Variants in ABI1 observed in about 807,000 individuals in gnomAD.
The protein encoded by ABI1 is abl interactor 1.
In ABI1, 14 loss-of-function variants were observed where a neutral mutation model predicts 54.6. That is an observed-to-expected ratio of 0.26 (90% CI 0.17 to 0.40). The LOEUF is 0.40. Among genes scored for constraint, ABI1 ranks in the 10% least tolerant of loss-of-function variants. The pLI is 1.00. For synonymous variants in ABI1, 194 were observed against 209.3 expected (o/e 0.93, Z 0.63); for missense variants, 443 against 598.3 (o/e 0.74, Z 2.71).
At chr10:26,803,895 G>A (rs114462000) in intron 2 of ABI1, among the ~76,000 whole-genome samples, 3,096 of 151,544 alleles carry the variant, frequency 0.02, 76 homozygotes, top group African/African-American at 0.065. Context: ...AGAAAGAATA[G>A]CCATTAAATA....
At chr10:26,823,408 A>AT (rs1200073706) in intron 1 of ABI1, 103 bp from the exon 2 acceptor site, 1 of 974,132 alleles carries the variant, frequency 1.0e-6, no homozygotes, top group Non-Finnish European at 1.4e-6. Flanking sequence ...GAGAAATTCA[A>AT]TAAAAAAAAA....
chr10:26,791,198 C>T (rs1297900467), intron 2 of ABI1, among the ~76,000 whole-genome samples: 4 of 150,372 alleles, frequency 2.7e-5, no homozygotes, highest in Non-Finnish European at 5.9e-5. Flanking sequence ...TGGAACATAA[C>T]ATAATCAAGA....
Position 26,795,564 on chromosome 10 carries a change from T to C in ABI1, c.286-18323A>G, listed in dbSNP as rs570870143. Among the ~76,000 whole-genome samples the C allele has an allele frequency of 3.3e-5, 5 of 152,008 alleles. No homozygotes were observed. In the South Asian group the frequency reaches 1.0e-3, roughly 32 times the overall value. ...TAATGAATTCAGTAAAGTTAAAGAA[T>C]ACAAAATCAACATACAAAAATCAGT... On this transcript the variant is annotated intron_variant, in intron 2 of 10. Coordinates refer to ENST00000376140, the MANE Select transcript of ABI1 (RefSeq NM_001012750.3).
At chr10:26,819,944 A>C (rs924023525) in intron 2 of ABI1, among the ~76,000 whole-genome samples, 1 of 152,180 alleles carries the variant, frequency 6.6e-6, no homozygotes, top group African/African-American at 2.4e-5. Flanking sequence ...ACAAACCCTG[A>C]ATGATCTCCC....
At chr10:26,852,448 T>C (rs2050473001) in intron 1 of ABI1, among the ~76,000 whole-genome samples, 1 of 152,124 alleles carries the variant, frequency 6.6e-6, no homozygotes, top group African/African-American at 2.4e-5. Context: ...CATTATACTC[T>C]AGCCTGGGCA....
rs183732851 is a variant in ABI1, at chr10:26,845,909, G to A, written c.117+14838C>T. 1.7e-3 allele frequency among the ~76,000 whole-genome samples: 265 copies of A among 152,152 alleles called. 4 individuals are homozygous for A. The highest frequency in any genetic ancestry group is 5.9e-3 in the African/African-American group (243 of 41,526). On this transcript the variant is annotated intron_variant, in intron 1 of 10. Coordinates refer to ENST00000376140, the MANE Select transcript of ABI1 (RefSeq NM_001012750.3). ...TGTAATCCCAGCACTTTGGGAGGCC[G>A]AGGCAGGCAGAGCACCTGAGGTCAG...
At chr10:26,767,973 G>T (rs906686518) in intron 6 of ABI1, among the ~76,000 whole-genome samples, 1 of 151,910 alleles carries the variant, frequency 6.6e-6, no homozygotes, top group East Asian at 1.9e-4. Flanking sequence ...TTAAGCCTGG[G>T]TGGTAGAAGT....
intron 2 of ABI1, among the ~76,000 whole-genome samples, chr10:26,777,944 A>T (rs969491242): frequency 6.6e-6 from 1 of 152,128 alleles, no homozygotes. Flanking sequence ...TTCATTCAAA[A>T]TTACTATAAA....
At chr10:26,789,648 G>T (rs186053172) in intron 2 of ABI1, among the ~76,000 whole-genome samples, 53 of 152,102 alleles carry the variant, frequency 3.5e-4, no homozygotes, top group African/African-American at 1.3e-3. Context: ...AAGTTCAGGG[G>T]TACATATGTA....
At chr10:26,806,382 T>C (rs980718781) in intron 2 of ABI1, among the ~76,000 whole-genome samples, 5 of 152,192 alleles carry the variant, frequency 3.3e-5, no homozygotes, top group Non-Finnish European at 7.3e-5. Context: ...AATAAGGTTT[T>C]TTTCCAAATT....
chr10:26,853,599 GCA>G (rs1303804852), intron 1 of ABI1, among the ~76,000 whole-genome samples: 1 of 150,020 alleles, frequency 6.7e-6, no homozygotes, highest in East Asian at 2.0e-4. Context: ...GAGTTCAGTG[GCA>G]CAATCTCAGC....
chr10:26,857,764 G>A (rs921464621), intron 1 of ABI1, among the ~76,000 whole-genome samples: 7 of 150,218 alleles, frequency 4.7e-5, no homozygotes, highest in Non-Finnish European at 1.0e-4. Context: ...TGGGAGGACT[G>A]CTTGAGCCCA....
At chr10:26,800,787 T>A (rs2133364474) in intron 2 of ABI1, among the ~76,000 whole-genome samples, 1 of 152,132 alleles carries the variant, frequency 6.6e-6, no homozygotes, top group Non-Finnish European at 1.5e-5. Context: ...TCCCAGCACT[T>A]TGGGAGGTCG....
intron 7 of ABI1, among the ~76,000 whole-genome samples, chr10:26,760,065 T>A (rs1270937729): frequency 6.7e-6 from 1 of 149,802 alleles, no homozygotes; most frequent in Non-Finnish European, 1.5e-5. Flanking sequence ...TCATAGTACA[T>A]CCAAAGAATC....
At chr10:26,815,272 A>C (rs1450543729) in intron 2 of ABI1, among the ~76,000 whole-genome samples, 1 of 152,170 alleles carries the variant, frequency 6.6e-6, no homozygotes, top group Non-Finnish European at 1.5e-5. Flanking sequence ...GTTCCAAGTA[A>C]TTCAATGTAA....
intron 2 of ABI1, among the ~76,000 whole-genome samples, chr10:26,794,116 G>T (rs189194310): frequency 1.3e-5 from 2 of 151,982 alleles, no homozygotes; most frequent in African/African-American, 4.8e-5. Flanking sequence ...TGACATGTGC[G>T]CCTGTAGTCC....
intron 1 of ABI1, among the ~76,000 whole-genome samples, chr10:26,840,509 A>C (rs2049418624): frequency 6.6e-6 from 1 of 152,218 alleles, no homozygotes; most frequent in Non-Finnish European, 1.5e-5. Context: ...GAATAGTCTT[A>C]GCTATCTCCA....
intron 2 of ABI1, among the ~76,000 whole-genome samples, chr10:26,814,563 G>A (rs1255583061): frequency 1.3e-5 from 2 of 152,122 alleles, no homozygotes; most frequent in Admixed American, 1.3e-4. Context: ...TATTTTCCAG[G>A]AAAAGTGACT....
intron 5 of ABI1, 124 bp from the exon 6 acceptor site, chr10:26,769,116 T>G: frequency 1.4e-6 from 1 of 731,470 alleles, no homozygotes; most frequent in Non-Finnish European, 2.0e-6. Flanking sequence ...TATGACAAAG[T>G]TTGTAATTTT....
Sources: allele counts gnomAD v4.1 joint callset (sites outside exome capture counted in the v4.1 genomes callset), GRCh38; gene constraint gnomAD v4.1.1; transcripts MANE v1.5; gene names NCBI Gene and HGNC (gene_info 2026-07-23, HGNC 2026-07-21).